SLC6A12: variants seen among roughly 807,000 people sequenced by gnomAD.
SLC6A12 encodes the protein sodium- and chloride-dependent betaine transporter.
A neutral mutation model predicts 73.3 loss-of-function variants in SLC6A12; 50 were observed. That is an observed-to-expected ratio of 0.68 (90% CI 0.54 to 0.86). The LOEUF is 0.86. Ranked by LOEUF, SLC6A12 falls within the 40% of genes least tolerant of loss-of-function variation. The pLI, the probability that SLC6A12 is intolerant of heterozygous loss-of-function variation, is 0.00. For synonymous variants in SLC6A12, 304 were observed against 309.2 expected, an observed-to-expected ratio of 0.98 and a Z score of 0.18; for missense variants, 648 against 772.8, an observed-to-expected ratio of 0.84 and a Z score of 1.92.
rs865993037 is a variant in SLC6A12 at position 198,632 on chromosome 12, T to C, written c.846+165A>G. 6.3e-5 allele frequency: 41 copies of C among 653,688 alleles called. No homozygotes were observed. The Middle Eastern group carries it at 4.8e-3, about 76-fold the overall frequency. 40.5% of individuals were successfully genotyped at this position (653,688 alleles called of 1,614,324 possible). A position where few individuals can be genotyped will look rare whatever the true frequency, so the allele number is the denominator to read the frequency against. ...ATTTGAGTGGTGGAATTACAAGAGA[T>C]TTTTTTAGTTTCTTTTTTATAGCTT... is the stretch of plus-strand genomic sequence containing the variant. On this transcript the variant is annotated intron_variant, in intron 8 of 15. Coordinates refer to ENST00000684302, the MANE Select transcript of SLC6A12 (RefSeq NM_001122848.3). The surrounding 1 kb of genome is among the most constrained non-coding windows in gnomAD (Gnocchi z 4.0).
At chr12:212,336 G>T (rs1156931186) in intron 1 of SLC6A12, among the ~76,000 whole-genome samples, 1 of 152,186 alleles carries the variant, frequency 6.6e-6, no homozygotes, top group Non-Finnish European at 1.5e-5. Flanking sequence ...GGTCTCAAGG[G>T]CTGGGAGAGT....
the SLC6A12 span, among the ~76,000 whole-genome samples, chr12:184,744 C>T: frequency 1.9e-3 from 278 of 147,396 alleles, no homozygotes; most frequent in African/African-American, 6.2e-3. Flanking sequence ...AGCAAGACTC[C>T]GTCTCAAAAA....
At chr12:186,265 C>T (rs1206481976), downstream of SLC6A12, among the ~76,000 whole-genome samples, 1 of 152,154 alleles carries the variant, frequency 6.6e-6, no homozygotes, top group East Asian at 1.9e-4. Flanking sequence ...CTCAGCTGTC[C>T]AGGAGCACAC....
intron 2 of SLC6A12, chr12:210,283 G>T: frequency 8.5e-7 from 1 of 1,178,394 alleles, no homozygotes; most frequent in Non-Finnish European, 1.1e-6. Context: ...CTCAGGAGTG[G>T]AACCGTGATG....
At chr12:212,986 G>C (rs760597312) in intron 1 of SLC6A12, among the ~76,000 whole-genome samples, 1 of 152,186 alleles carries the variant, frequency 6.6e-6, no homozygotes, top group Non-Finnish European at 1.5e-5. Flanking sequence ...GCTGCCCAGA[G>C]AGCAAATCTT....
At chr12:192,713 G>T in intron 14 of SLC6A12, 65 bp from the exon 15 acceptor site, 2 of 1,488,528 alleles carry the variant, frequency 1.3e-6, no homozygotes, top group Non-Finnish European at 1.9e-6. Flanking sequence ...CCGCAGCTAC[G>T]TACAGCCAAG....
At chr12:184,689 G>A in the SLC6A12 span, among the ~76,000 whole-genome samples, 1 of 152,188 alleles carries the variant, frequency 6.6e-6, no homozygotes, top group Non-Finnish European at 1.5e-5. Context: ...GGCGGAGCTT[G>A]CAATGAGCTG....
chr12:201,682 T>C (rs964479564), intron 6 of SLC6A12, 80 bp downstream of exon 6: 21 of 1,131,312 alleles, frequency 1.9e-5, no homozygotes, highest in African/African-American at 3.0e-5. Flanking sequence ...ATCTTAAACT[T>C]GCACCCCAGA....
chr12:187,589 CAAAAAAAAAAAAAAAAAAAA>C (rs761187495), downstream of SLC6A12, among the ~76,000 whole-genome samples: 14 of 106,048 alleles, frequency 1.3e-4, no homozygotes, highest in African/African-American at 5.3e-4. Context: ...TGCAAAAGAG[CAAAAAAAAAAAAAAAAAAAA>C]AAAAAAAAAA....
chr12:187,589 C>CAAAAAAAAAAAAAAAAA (rs761187495), downstream of SLC6A12, among the ~76,000 whole-genome samples: 45 of 106,030 alleles, frequency 4.2e-4, 2 homozygotes, highest in Middle Eastern at 4.5e-3. Context: ...TGCAAAAGAG[C>CAAAAAAAAAAAAAAAAA]AAAAAAAAAA....
downstream of SLC6A12, among the ~76,000 whole-genome samples, chr12:185,165 C>T (rs1939409584): frequency 6.6e-6 from 1 of 152,178 alleles, no homozygotes; most frequent in African/African-American, 2.4e-5. Context: ...TTAATTAACC[C>T]AGAGGAAAAG....
chr12:188,265 G>C (rs1267630982), downstream of SLC6A12, among the ~76,000 whole-genome samples: 3 of 152,204 alleles, frequency 2.0e-5, no homozygotes, highest in Non-Finnish European at 2.9e-5. Context: ...CCTGCCCCAC[G>C]GGAAGGCAGC....
intron 4 of SLC6A12, 139 bp from the exon 5 acceptor site, chr12:203,019 A>G: frequency 2.0e-6 from 1 of 498,612 alleles, no homozygotes; most frequent in Non-Finnish European, 3.5e-6. Flanking sequence ...CAGTGGCATG[A>G]GAAGCCATTC....
Position 204,666 on chromosome 12 carries a change from AG to A in SLC6A12, c.246del (p.Phe83LeufsTer47). ...AAGAACACCGGGATGCCGCAGACAA[AG>A]AAGAAGATGAAGTAGGGGATGAAGA... Reference protein sequence around the residue: ...GAFFIPYFIFFFVCGIPVFFL... With the variant: ...GAFFIPYFIFXFVCGIPVFFL... On this transcript the variant is annotated frameshift_variant, in exon 4 of 16. Coordinates refer to ENST00000684302, the MANE Select transcript of SLC6A12 (RefSeq NM_001122848.3). LOFTEE classifies it high-confidence loss of function. 1 of 1,614,068 alleles carries A rather than the reference AG, an allele frequency of 6.2e-7. No homozygotes were observed. The highest frequency in any genetic ancestry group is 1.1e-5 in the South Asian group (1 of 91,084).
In SLC6A12 at chr12:198,631, A is replaced by G; in HGVS notation, c.846+166T>C. 1.5e-6 allele frequency: 1 copy of G among 656,594 alleles called. No individual in the cohort carries two copies. 40.7% of individuals were successfully genotyped at this position (656,594 alleles called of 1,614,324 possible). On this transcript the variant is annotated intron_variant, in intron 8 of 15. Transcript: ENST00000684302. This position sits in a 1 kb window ranked among gnomAD's most constrained non-coding sequence, Gnocchi z 4.0. ...TATTTGAGTGGTGGAATTACAAGAG[A>G]TTTTTTTAGTTTCTTTTTTATAGCT...
At chr12:201,206 G>C (rs1033878589) in intron 6 of SLC6A12, 3 of 190,880 alleles carry the variant, frequency 1.6e-5, no homozygotes, top group African/African-American at 7.1e-5. Context: ...GGGCATTCAG[G>C]TGTGAGGGCA....
rs545188353 is a variant in SLC6A12, at chr12:204,577, G to A, written c.336C>T (p.Cys112=). 11 of 1,614,138 alleles carry A rather than the reference G, an allele frequency of 6.8e-6. No individual in the cohort carries two copies. The African/African-American group carries it at 1.2e-4, about 18-fold the overall frequency. ...QGSVTAWRKI[C]PLFQGIGLAS... ...GAGGATACATACCCTGGAAGAGGGG[G>A]CAGATCTTCCTCCAGGCTGTGACAC... Residue 112 remains cysteine (C), a synonymous_variant, in exon 4 of 16, where the codon TGC becomes TGT. Coordinates refer to ENST00000684302, the MANE Select transcript of SLC6A12 (RefSeq NM_001122848.3).
chr12:199,455 T>A (rs1350621913), intron 7 of SLC6A12, among the ~76,000 whole-genome samples: 1 of 152,158 alleles, frequency 6.6e-6, no homozygotes, highest in Non-Finnish European at 1.5e-5. Flanking sequence ...GTGGGGAAAG[T>A]TAGGCTGTGC....
At position 197,713 on chromosome 12, in the gene SLC6A12, AAGAG is replaced by A. The variant is rs3837517; in HGVS notation, c.950+183_950+186del. Among the ~76,000 whole-genome samples, 50 of 152,274 alleles carry A rather than the reference AAGAG, an allele frequency of 3.3e-4. No individual in the cohort carries two copies. The East Asian group carries it at 9.7e-3, about 29-fold the overall frequency. Reference sequence around the variant, plus strand: ...GACAAAAATCAGGTGGCAGACAACAAAGAGAGAAGTGAGAGAGAAAAGGAAGAAG... The same window carrying A: ...GACAAAAATCAGGTGGCAGACAACAAAGAAGTGAGAGAGAAAAGGAAGAAG... On this transcript the variant is annotated intron_variant, in intron 9 of 15. Coordinates refer to ENST00000684302, the MANE Select transcript of SLC6A12 (RefSeq NM_001122848.3).
Sources: gnomAD v4.1 joint callset for allele counts (sites outside exome capture counted in the v4.1 genomes callset) on GRCh38, gnomAD v4.1.1 for gene constraint, Gnocchi (gnomAD v3.1) non-coding constraint, MANE v1.5 for transcripts, NCBI Gene and HGNC (gene_info 2026-07-23, HGNC 2026-07-21) for gene names.